Variants in KDM6A observed in about 807,000 individuals in gnomAD.
KDM6A encodes the protein lysine-specific demethylase 6A.
In KDM6A, 11 loss-of-function variants were observed where a neutral mutation model predicts 117.6. The ratio of observed to expected loss-of-function variants is 0.09; its 90% CI spans 0.06 to 0.15. KDM6A has a LOEUF of 0.15. KDM6A is among the 10% of genes least tolerant of loss of function. KDM6A has a pLI of 1.00. For synonymous variants in KDM6A, 384 were observed against 396.1 expected, an observed-to-expected ratio of 0.97 and a Z score of 0.36; for missense variants, 799 against 1,077.3, an observed-to-expected ratio of 0.74 and a Z score of 3.62.
intron 21 of KDM6A, among the ~76,000 whole-genome samples, chrX:45,081,107 T>G (rs2045377103): frequency 9.0e-6 from 1 of 111,527 alleles, no homozygotes; most frequent in Non-Finnish European, 1.9e-5. Flanking sequence ...TAATTTTGTA[T>G]TTGTAGTAGA....
chrX:44,944,621 G>A (rs1315553428), intron 2 of KDM6A, among the ~76,000 whole-genome samples: 1 of 111,431 alleles, frequency 9.0e-6, no homozygotes, highest in African/African-American at 3.3e-5. Context: ...GGTTTTGTAG[G>A]TCTTCTAGCA....
intron 17 of KDM6A, among the ~76,000 whole-genome samples, chrX:45,067,336 T>G (rs1363380975): frequency 8.9e-6 from 1 of 112,059 alleles, no homozygotes. Context: ...TACCTTGATT[T>G]GCAGATAGAG....
intron 10 of KDM6A, among the ~76,000 whole-genome samples, chrX:45,056,969 A>G (rs914288291): frequency 9.0e-6 from 1 of 111,064 alleles, no homozygotes; most frequent in African/African-American, 3.3e-5. Flanking sequence ...ATTGTAGCTG[A>G]TCTCTTCTTA....
At chrX:45,092,609 A>T (rs771967894) in intron 27 of KDM6A, among the ~76,000 whole-genome samples, 4 of 111,935 alleles carry the variant, frequency 3.6e-5, no homozygotes, top group Non-Finnish European at 7.5e-5. Flanking sequence ...GATGATGGAC[A>T]TACCAATGTT....
intron 27 of KDM6A, among the ~76,000 whole-genome samples, chrX:45,104,673 T>G (rs775406952): frequency 1.2e-3 from 135 of 111,655 alleles, no homozygotes; most frequent in Non-Finnish European, 2.1e-3. Flanking sequence ...TTCCAAGTGC[T>G]GCCTTTTGAA....
At chrX:44,963,644 G>A (rs2038852140) in intron 3 of KDM6A, among the ~76,000 whole-genome samples, 1 of 110,862 alleles carries the variant, frequency 9.0e-6, no homozygotes, top group South Asian at 3.8e-4. Context: ...CACATCTACA[G>A]TTACTTCCTC....
At chrX:44,994,448 T>C (rs2040768898) in intron 4 of KDM6A, among the ~76,000 whole-genome samples, 1 of 112,161 alleles carries the variant, frequency 8.9e-6, no homozygotes, top group South Asian at 3.7e-4. Flanking sequence ...TTTCCTTCTT[T>C]TAAAGGCTGA....
chrX:45,052,400 A>G (rs2043893719), intron 9 of KDM6A, among the ~76,000 whole-genome samples: 1 of 111,787 alleles, frequency 8.9e-6, no homozygotes, highest in African/African-American at 3.3e-5. Context: ...GGTCTGGGCA[A>G]ATCATTTATT....
Position 44,935,676 on chromosome X carries a change from A to G in KDM6A, c.226-25608A>G, listed in dbSNP as rs374568665. On this transcript the variant is annotated intron_variant, in intron 2 of 29. Coordinates refer to ENST00000611820, the MANE Select transcript of KDM6A (RefSeq NM_001291415.2). ...GCCCGTCAGGTTTCAGAGTCTATCT[A>G]CTACACTTAGCTCTCATGGCATTAA... Among the ~76,000 whole-genome samples, 11 of 111,598 alleles carry G rather than the reference A, an allele frequency of 9.9e-5. No individual in the cohort carries two copies. The East Asian group carries it at 1.1e-3, about 11-fold the overall frequency.
At chrX:45,105,956 G>A (rs1456387663) in intron 27 of KDM6A, among the ~76,000 whole-genome samples, 3 of 111,830 alleles carry the variant, frequency 2.7e-5, no homozygotes, top group Non-Finnish European at 3.8e-5. Context: ...CTCCTTATGC[G>A]AAGCTAATGC....
intron 4 of KDM6A, among the ~76,000 whole-genome samples, chrX:44,982,029 G>GCCGAGAT (rs767617366): frequency 3.6e-5 from 4 of 112,060 alleles, no homozygotes; most frequent in Non-Finnish European, 5.6e-5. Context: ...GTTGCAGTGA[G>GCCGAGAT]CCGAGATCAT....
intron 6 of KDM6A, among the ~76,000 whole-genome samples, chrX:45,030,330 A>G (rs1203370127): frequency 1.3e-5 from 1 of 79,576 alleles, no homozygotes; most frequent in African/African-American, 5.1e-5. Context: ...AAATTTTTAG[A>G]AAAGACCGGC....
At chrX:45,052,857 T>C (rs1356704587) in intron 9 of KDM6A, among the ~76,000 whole-genome samples, 1 of 110,807 alleles carries the variant, frequency 9.0e-6, no homozygotes, top group African/African-American at 3.3e-5. Flanking sequence ...GCCTGGCTGA[T>C]TTAAAAAATT....
At chrX:44,979,998 C>CTTTTTTTTTTTTTTTTTTTTTTTTTTTCT (rs56817217) in intron 4 of KDM6A, among the ~76,000 whole-genome samples, 1 of 71,315 alleles carries the variant, frequency 1.4e-5, no homozygotes, top group Non-Finnish European at 2.8e-5. Flanking sequence ...TCTTTCTTTC[C>CTTTTTTTTTTTTTTTTTTTTTTTTTTTCT]TTTTTTTTTT....
At chrX:44,911,227 G>A (rs1228281304) in intron 2 of KDM6A, among the ~76,000 whole-genome samples, 31 of 101,712 alleles carry the variant, frequency 3.0e-4, no homozygotes, top group Admixed American at 2.0e-3. Flanking sequence ...CTCACTTCCC[G>A]GACGGGGCGG....
chrX:44,927,868 C>T (rs1321214207), intron 2 of KDM6A, among the ~76,000 whole-genome samples: 1 of 111,456 alleles, frequency 9.0e-6, no homozygotes, highest in Non-Finnish European at 1.9e-5. Flanking sequence ...TGGTCATACA[C>T]TATTGAGAAG....
chrX:45,052,485 C>T (rs1032355122), intron 9 of KDM6A, among the ~76,000 whole-genome samples: 1 of 111,583 alleles, frequency 9.0e-6, no homozygotes, highest in African/African-American at 3.3e-5. Flanking sequence ...TTTAAAGTCA[C>T]TTAAGCTTAG....
At chrX:44,887,538 T>G (rs933233516) in intron 2 of KDM6A, among the ~76,000 whole-genome samples, 1 of 111,289 alleles carries the variant, frequency 9.0e-6, no homozygotes, top group African/African-American at 3.3e-5. Flanking sequence ...AGTTTTGTGG[T>G]GTTCCGTGGC....
chrX:44,918,850 G>C (rs951530454), intron 2 of KDM6A, among the ~76,000 whole-genome samples: 8 of 111,705 alleles, frequency 7.2e-5, no homozygotes, highest in African/African-American at 2.0e-4. Flanking sequence ...GGAAATGGCA[G>C]TTTACATGCT....
Sources: allele counts gnomAD v4.1 joint callset (sites outside exome capture counted in the v4.1 genomes callset), GRCh38; gene constraint gnomAD v4.1.1; transcripts MANE v1.5; gene names NCBI Gene and HGNC (gene_info 2026-07-23, HGNC 2026-07-21).